The following SYN2 variants were observed in gnomAD, a reference collection of about 807,000 sequenced individuals.
SYN2 encodes the protein synapsin-2.
Under a neutral mutation model 50.9 loss-of-function variants are expected in SYN2, and 19 were observed. The observed-to-expected ratio is 0.37, with a 90% CI of 0.26 to 0.55. SYN2 has a LOEUF of 0.55. Among genes scored for constraint, SYN2 ranks in the 20% least tolerant of loss-of-function variants. The pLI, the probability that SYN2 is intolerant of heterozygous loss-of-function variation, is 0.81. For synonymous variants in SYN2, 255 were observed against 224.9 expected (o/e 1.13, Z -1.20); for missense variants, 587 against 576.4 (o/e 1.02, Z -0.19).
intron 10 of SYN2, among the ~76,000 whole-genome samples, chr3:12,178,452 C>G (rs995646504): frequency 1.3e-5 from 2 of 152,188 alleles, no homozygotes; most frequent in African/African-American, 4.8e-5. Flanking sequence ...TGACAAAAAC[C>G]CACAAACCCT....
chr3:12,140,788 G>A, intron 2 of SYN2, 80 bp downstream of exon 2: 2 of 717,654 alleles, frequency 2.8e-6, no homozygotes, highest in South Asian at 3.0e-5. Flanking sequence ...ATCTCGTTCT[G>A]CTGAGTGGAA....
chr3:12,139,633 T>C (rs71304088), intron 1 of SYN2, among the ~76,000 whole-genome samples: 7,523 of 152,288 alleles, frequency 0.049, 207 homozygotes, highest in Non-Finnish European at 0.066. Flanking sequence ...ACAACTTGCA[T>C]GTAATTCCTA....
chr3:12,129,193 A>C (rs1574955908), intron 1 of SYN2, among the ~76,000 whole-genome samples: 1 of 152,296 alleles, frequency 6.6e-6, no homozygotes, highest in East Asian at 1.9e-4. Flanking sequence ...TTTTGTTCAG[A>C]TAGTCAGTAG....
intron 1 of SYN2, among the ~76,000 whole-genome samples, chr3:12,105,925 A>G (rs1050331581): frequency 1.3e-5 from 2 of 152,140 alleles, no homozygotes; most frequent in Non-Finnish European, 2.9e-5. Context: ...TTAGTTTTCT[A>G]TTGCTACATA....
chr3:12,170,010 G>A (rs888907382), intron 10 of SYN2, 104 bp downstream of exon 10: 5 of 1,370,966 alleles, frequency 3.6e-6, no homozygotes, highest in African/African-American at 2.9e-5. Context: ...ATGCCCACAG[G>A]CCTAAATGGG....
At chr3:12,189,490 A>G (rs1005215872) in intron 12 of SYN2, among the ~76,000 whole-genome samples, 7 of 152,188 alleles carry the variant, frequency 4.6e-5, no homozygotes, top group African/African-American at 1.7e-4. Flanking sequence ...GAGGGTTACA[A>G]GGGTGGTTAC....
intron 1 of SYN2, among the ~76,000 whole-genome samples, chr3:12,121,645 T>G (rs1182734730): frequency 1.7e-4 from 20 of 117,432 alleles, no homozygotes; most frequent in African/African-American, 3.8e-4. Flanking sequence ...AAAGGGAAGG[T>G]AAGGGGAAGG....
chr3:12,183,951 T>C, intron 11 of SYN2: 1 of 990,168 alleles, frequency 1.0e-6, no homozygotes, highest in Non-Finnish European at 1.2e-6. Context: ...GCATGACTAT[T>C]GTAACTAGAT....
intron 11 of SYN2, chr3:12,184,817 G>A (rs1698305229): frequency 2.0e-6 from 2 of 985,708 alleles, no homozygotes; most frequent in South Asian, 4.7e-5. Flanking sequence ...GCTGGGAACG[G>A]GCACCAAGCA....
At chr3:12,187,650 C>T (rs1698371097) in intron 12 of SYN2, 38 bp downstream of exon 12, 2 of 1,504,992 alleles carry the variant, frequency 1.3e-6, no homozygotes, top group South Asian at 1.3e-5. Flanking sequence ...TCCCCTCCTC[C>T]TACCCTTCCT....
chr3:12,119,970 T>G (rs1283402592), intron 1 of SYN2, among the ~76,000 whole-genome samples: 1 of 152,164 alleles, frequency 6.6e-6, no homozygotes, highest in Non-Finnish European at 1.5e-5. Flanking sequence ...GAGATTTAAG[T>G]TCAAAGGTTT....
chr3:12,183,949 A>G lies in SYN2; in HGVS notation c.1369+577A>G, dbSNP rs927372324. The G allele has an allele frequency of 2.2e-5, 22 of 991,164 alleles. No individual in the cohort carries two copies. In the South Asian group the frequency reaches 2.8e-4, roughly 12 times the overall value. 61.4% of individuals were successfully genotyped at this position (991,164 alleles called of 1,614,324 possible). A position where few individuals can be genotyped will look rare whatever the true frequency, so the allele number is the denominator to read the frequency against. ...CTTTTCGCTTTCTTTCTGCATGACT[A>G]TTGTAACTAGATAGAACATTAAGAG... On this transcript the variant is annotated intron_variant, in intron 11 of 12. Transcript: ENST00000621198.
intron 1 of SYN2, among the ~76,000 whole-genome samples, chr3:12,102,648 ACGC>A (rs1422089500): frequency 1.3e-5 from 2 of 152,160 alleles, no homozygotes; most frequent in African/African-American, 4.8e-5. Flanking sequence ...CTATATCTTA[ACGC>A]ATGGTCTTCA....
chr3:12,056,188 G>A (rs780105436), intron 1 of SYN2, among the ~76,000 whole-genome samples: 1 of 150,734 alleles, frequency 6.6e-6, no homozygotes, highest in Non-Finnish European at 1.5e-5. Flanking sequence ...TTTTTAAATA[G>A]GCAACTGTAA....
chr3:12,186,543 A>G (rs1559460285), intron 11 of SYN2, among the ~76,000 whole-genome samples: 1 of 152,140 alleles, frequency 6.6e-6, no homozygotes, highest in Non-Finnish European at 1.5e-5. Context: ...GAATTCTACC[A>G]CACATGGCTG....
At chr3:12,096,268 T>C (rs1409427102) in intron 1 of SYN2, among the ~76,000 whole-genome samples, 1 of 152,156 alleles carries the variant, frequency 6.6e-6, no homozygotes, top group Non-Finnish European at 1.5e-5. Flanking sequence ...GGGAAAGAGA[T>C]CTCCTAAAAA....
At chr3:12,093,793 C>T (rs1695875901) in intron 1 of SYN2, among the ~76,000 whole-genome samples, 1 of 151,986 alleles carries the variant, frequency 6.6e-6, no homozygotes, top group African/African-American at 2.4e-5. Context: ...TTCAAAAGTA[C>T]ATCTCTATCC....
intron 1 of SYN2, among the ~76,000 whole-genome samples, chr3:12,043,502 A>T (rs1204015442): frequency 6.6e-6 from 1 of 152,182 alleles, no homozygotes; most frequent in Non-Finnish European, 1.5e-5. Context: ...ATCTCCCAAC[A>T]ACTTTGTGTG....
At chr3:12,053,041 C>T (rs1335483607) in intron 1 of SYN2, among the ~76,000 whole-genome samples, 1 of 152,108 alleles carries the variant, frequency 6.6e-6, no homozygotes, top group Non-Finnish European at 1.5e-5. Flanking sequence ...AGATATTATT[C>T]CCATTTGATA....
Sources: allele counts gnomAD v4.1 joint callset (sites outside exome capture counted in the v4.1 genomes callset), GRCh38; gene constraint gnomAD v4.1.1; transcripts MANE v1.5; gene names NCBI Gene and HGNC (gene_info 2026-07-23, HGNC 2026-07-21).